The following SLC13A3 variants were observed in gnomAD, a reference collection of about 807,000 sequenced individuals.
The protein encoded by SLC13A3 is Na(+)/dicarboxylate cotransporter 3.
SLC13A3 carries 40 observed loss-of-function variants against 59.0 expected under a neutral mutation model. That is an observed-to-expected ratio of 0.68 (90% confidence interval 0.53 to 0.88). The LOEUF (loss-of-function observed/expected upper bound fraction) is 0.88. Ranked by LOEUF, SLC13A3 falls within the 40% of genes least tolerant of loss-of-function variation. SLC13A3 has a pLI of 0.00. For missense variants in SLC13A3, 699 were observed against 783.2 expected (o/e 0.89, Z 1.28); for synonymous variants, 317 against 330.3 (o/e 0.96, Z 0.44).
chr20:46,620,850 A>C (rs1483960881), intron 1 of SLC13A3, among the ~76,000 whole-genome samples: 1 of 152,214 alleles, frequency 6.6e-6, no homozygotes, highest in East Asian at 1.9e-4. Flanking sequence ...CACCGAGATC[A>C]GCTGTAGACA....
intron 1 of SLC13A3, among the ~76,000 whole-genome samples, chr20:46,617,487 C>T (rs916140809): frequency 3.9e-5 from 6 of 152,126 alleles, no homozygotes; most frequent in African/African-American, 1.4e-4. Context: ...AACTACAGTG[C>T]TTCTCAAACC....
intron 12 of SLC13A3, among the ~76,000 whole-genome samples, chr20:46,560,904 C>T (rs1282247473): frequency 6.6e-6 from 1 of 152,228 alleles, no homozygotes; most frequent in African/African-American, 2.4e-5. Context: ...GGCTGAATCA[C>T]ATGGTGAGAC....
chr20:46,615,749 A>G (rs928420700), intron 1 of SLC13A3, among the ~76,000 whole-genome samples: 20 of 152,198 alleles, frequency 1.3e-4, no homozygotes, highest in African/African-American at 4.3e-4. Context: ...TACACCCTAC[A>G]TTGGAAAATG....
chr20:46,625,650 C>A (rs2062661045), intron 1 of SLC13A3, among the ~76,000 whole-genome samples: 1 of 152,226 alleles, frequency 6.6e-6, no homozygotes, highest in Non-Finnish European at 1.5e-5. Context: ...AACAGTGCTG[C>A]AATTTCTATC....
chr20:46,625,005 TA>T (rs1203284614), intron 1 of SLC13A3, among the ~76,000 whole-genome samples: 5 of 152,164 alleles, frequency 3.3e-5, no homozygotes, highest in African/African-American at 1.2e-4. Flanking sequence ...CCCGACTCTG[TA>T]ATGCTCACAA....
chr20:46,667,335 T>C lies in SLC13A3; in HGVS notation c.-31+2708A>G, dbSNP rs140739814. ...TTGACATCAAAGGAACTCTGGTCCA[T>C]GCCCCAAAGTCTGAGTGGAGGCAGC... On this transcript the variant is annotated intron_variant, in intron 1 of 12. Coordinates refer to the SLC13A3 transcript ENST00000290317. Among the ~76,000 whole-genome samples, 998 of 152,306 alleles carry C rather than the reference T, an allele frequency of 6.6e-3. 8 individuals carry two copies. The highest frequency in any genetic ancestry group is 0.023 in the African/African-American group (962 of 41,566).
At chr20:46,671,332 A>C (rs2063090308), upstream of SLC13A3, among the ~76,000 whole-genome samples, 1 of 152,084 alleles carries the variant, frequency 6.6e-6, no homozygotes, top group Non-Finnish European at 1.5e-5. Flanking sequence ...TGAAGGTTGC[A>C]TTTCTGCTCA....
chr20:46,618,097 A>G (rs930209983), intron 1 of SLC13A3, among the ~76,000 whole-genome samples: 1 of 152,096 alleles, frequency 6.6e-6, no homozygotes, highest in Non-Finnish European at 1.5e-5. Flanking sequence ...AAGATGTTTC[A>G]CTTTCATCTT....
chr20:46,669,686 T>G (rs2063080652), intron 1 of SLC13A3, among the ~76,000 whole-genome samples: 1 of 152,224 alleles, frequency 6.6e-6, no homozygotes, highest in Non-Finnish European at 1.5e-5. Context: ...GTACTCATAA[T>G]TTTATTGTAC....
rs111567358 is a variant in SLC13A3, at chr20:46,633,042, T to C, written c.111+18269A>G. Among the ~76,000 whole-genome samples the C allele has an allele frequency of 6.7e-3, 1,025 of 152,202 alleles. 13 individuals carry two copies. The highest frequency in any genetic ancestry group is 0.024 in the African/African-American group (979 of 41,514). ...TTACATATTTAATGTTACCTACTAC[T>C]GGCAGCTGTTATTTTGTTACATTCC... On this transcript the variant is annotated intron_variant, in intron 1 of 12. Transcript: ENST00000279027.
At chr20:46,569,660 C>T (rs1401853454) in intron 10 of SLC13A3, among the ~76,000 whole-genome samples, 2 of 152,204 alleles carry the variant, frequency 1.3e-5, no homozygotes, top group African/African-American at 4.8e-5. Flanking sequence ...CATGAAGTCA[C>T]AAGATGCCTG....
upstream of SLC13A3, among the ~76,000 whole-genome samples, chr20:46,671,200 G>T (rs1287772390): frequency 1.3e-5 from 2 of 152,114 alleles, no homozygotes; most frequent in African/African-American, 4.8e-5. Flanking sequence ...TTCCCAGAGT[G>T]GCTGACATCC....
intron 8 of SLC13A3, 32 bp from the exon 9 acceptor site, chr20:46,583,701 A>T (rs1427870716): frequency 5.0e-6 from 8 of 1,613,326 alleles, no homozygotes; most frequent in Non-Finnish European, 5.9e-6. Context: ...TCACGTGACC[A>T]TGGGCATCTC....
chr20:46,634,505 C>A (rs1010939278), intron 1 of SLC13A3, among the ~76,000 whole-genome samples: 1 of 152,176 alleles, frequency 6.6e-6, no homozygotes, highest in Non-Finnish European at 1.5e-5. Flanking sequence ...GCAAACCTGC[C>A]CCAGGAGATG....
chr20:46,658,600 G>C (rs1288532777), intron 1 of SLC13A3, among the ~76,000 whole-genome samples: 1 of 152,200 alleles, frequency 6.6e-6, no homozygotes, highest in African/African-American at 2.4e-5. Flanking sequence ...AGGACTGCTT[G>C]AGCCCAGGAG....
chr20:46,624,307 T>TG (rs1213316855), intron 1 of SLC13A3, among the ~76,000 whole-genome samples: 1 of 152,232 alleles, frequency 6.6e-6, no homozygotes, highest in Non-Finnish European at 1.5e-5. Flanking sequence ...TCAATACCTA[T>TG]TGAGAATTTG....
chr20:46,578,653 G>A (rs2062102958), intron 9 of SLC13A3, among the ~76,000 whole-genome samples: 1 of 152,100 alleles, frequency 6.6e-6, no homozygotes. Context: ...TCCAGCCTGG[G>A]CAACAGAGCA....
chr20:46,630,554 G>A (rs2062726595), intron 1 of SLC13A3, among the ~76,000 whole-genome samples: 1 of 152,184 alleles, frequency 6.6e-6, no homozygotes. Context: ...CTGGCGAGGT[G>A]GGATTGTGGT....
In SLC13A3 at chr20:46,664,469, G is replaced by T. The variant is rs372561223; in HGVS notation, c.-31+5574C>A. Among the ~76,000 whole-genome samples the T allele has an allele frequency of 4.0e-4, 61 of 152,238 alleles. 1 individual carries two copies. The South Asian group carries it at 7.9e-3, about 20-fold the overall frequency. ...TCATTAGCAAACTTGGGATTAATCA[G>T]ACATACCTTTCACCATGTGTTTTAC... On this transcript the variant is annotated intron_variant, in intron 1 of 12. Coordinates refer to the SLC13A3 transcript ENST00000290317.
Sources: gnomAD v4.1 joint callset for allele counts (sites outside exome capture counted in the v4.1 genomes callset) on GRCh38, gnomAD v4.1.1 for gene constraint, MANE v1.5 for transcripts, NCBI Gene and HGNC (gene_info 2026-07-23, HGNC 2026-07-21) for gene names.